CDH13: variants seen among roughly 807,000 people sequenced by gnomAD.
The protein encoded by CDH13 is cadherin-13.
A neutral mutation model predicts 63.8 loss-of-function variants in CDH13; 24 were observed. That is an observed-to-expected ratio of 0.38 (90% CI 0.27 to 0.53). The LOEUF is 0.53. Ranked by LOEUF, CDH13 falls within the 20% of genes least tolerant of loss-of-function variation. The pLI, the probability that CDH13 is intolerant of heterozygous loss-of-function variation, is 0.85. For synonymous variants in CDH13, 503 were observed against 355.3 expected, an observed-to-expected ratio of 1.42 and a Z score of -4.67; for missense variants, 1,049 against 903.1, an observed-to-expected ratio of 1.16 and a Z score of -2.07.
chr16:83,017,627 A>G (rs1914933135), intron 2 of CDH13, among the ~76,000 whole-genome samples: 2 of 152,246 alleles, frequency 1.3e-5, no homozygotes, highest in Non-Finnish European at 2.9e-5. Context: ...ACGGACTGAC[A>G]TATAGAAAAT....
At chr16:83,215,073 CTTTTTT>C (rs571565652) in intron 4 of CDH13, among the ~76,000 whole-genome samples, 2 of 56,232 alleles carry the variant, frequency 3.6e-5, no homozygotes, top group Admixed American at 3.2e-4. Context: ...TCAAACACCT[CTTTTTT>C]TTTTTTTTTT....
intron 10 of CDH13, among the ~76,000 whole-genome samples, chr16:83,707,857 A>C (rs1209805491): frequency 7.1e-6 from 1 of 139,894 alleles, no homozygotes; most frequent in African/African-American, 2.8e-5. Context: ...AAAAAAAAAA[A>C]AGAGCTGGGA....
chr16:83,250,746 G>C (rs1384641264), intron 5 of CDH13, among the ~76,000 whole-genome samples: 5 of 152,178 alleles, frequency 3.3e-5, no homozygotes, highest in African/African-American at 1.2e-4. Context: ...TATGAGTTGG[G>C]ATTTATTCTA....
At chr16:83,282,863 C>G (rs967368456) in intron 5 of CDH13, among the ~76,000 whole-genome samples, 1 of 152,138 alleles carries the variant, frequency 6.6e-6, no homozygotes, top group African/African-American at 2.4e-5. Context: ...AGCAATTGAC[C>G]TCTGTGGGTC....
chr16:82,706,810 A>G (rs968467672), intron 1 of CDH13, among the ~76,000 whole-genome samples: 1 of 150,228 alleles, frequency 6.7e-6, no homozygotes, highest in African/African-American at 2.5e-5. Flanking sequence ...TCTCAAAAAA[A>G]AAATAAAATA....
intron 3 of CDH13, among the ~76,000 whole-genome samples, chr16:83,090,275 G>A (rs555965951): frequency 6.6e-6 from 1 of 152,058 alleles, no homozygotes; most frequent in African/African-American, 2.4e-5. Context: ...CTATAGAGAT[G>A]CCAAGCCATT....
At chr16:83,681,147 C>T (rs1332797056) in intron 10 of CDH13, among the ~76,000 whole-genome samples, 1 of 151,998 alleles carries the variant, frequency 6.6e-6, no homozygotes, top group Non-Finnish European at 1.5e-5. Flanking sequence ...CTGCCACAGA[C>T]CCCAGCACCC....
chr16:82,729,990 C>T (rs946114412), intron 1 of CDH13, among the ~76,000 whole-genome samples: 2 of 152,154 alleles, frequency 1.3e-5, no homozygotes, highest in African/African-American at 4.8e-5. Flanking sequence ...TAGTTCCTTA[C>T]CTCTCTCAGC....
chr16:82,903,847 A>T (rs945724860), intron 2 of CDH13, among the ~76,000 whole-genome samples: 1 of 152,072 alleles, frequency 6.6e-6, no homozygotes, highest in Non-Finnish European at 1.5e-5. Flanking sequence ...AGGTTGAGAG[A>T]GGTGATGCAG....
intron 2 of CDH13, among the ~76,000 whole-genome samples, chr16:82,931,748 C>G (rs186591855): frequency 2.0e-5 from 3 of 152,066 alleles, no homozygotes; most frequent in Admixed American, 6.6e-5. Context: ...GGAGGAACCC[C>G]TTATAGAAAC....
rs1174536004 is a variant in CDH13, at chr16:82,644,267, C to T, written c.45+17130C>T. On this transcript the variant is annotated intron_variant, in intron 1 of 13. Transcript: ENST00000567109. This position sits in a 1 kb window ranked among gnomAD's most constrained non-coding sequence, Gnocchi z 5.7. ...CTAAGGTCTAAGGCTGGGAAAGGAG[C>T]TCCCACTTCTTACATTCAGTGCTCA... 1.3e-5 allele frequency among the ~76,000 whole-genome samples: 2 copies of T among 152,206 alleles called. No homozygotes were observed. The highest frequency in any genetic ancestry group is 1.9e-4 in the East Asian group (1 of 5,164).
intron 10 of CDH13, among the ~76,000 whole-genome samples, chr16:83,746,901 A>G (rs1038637272): frequency 1.3e-5 from 2 of 152,240 alleles, no homozygotes; most frequent in Admixed American, 6.5e-5. Context: ...AGCAACCTCA[A>G]AACAAGTAAC....
At chr16:83,286,356 C>A (rs1302383851) in intron 5 of CDH13, among the ~76,000 whole-genome samples, 1 of 152,188 alleles carries the variant, frequency 6.6e-6, no homozygotes, top group Non-Finnish European at 1.5e-5. Context: ...ATCCTCAGGG[C>A]ATCTGCTAGC....
At chr16:82,945,548 G>A (rs1597266391) in intron 2 of CDH13, among the ~76,000 whole-genome samples, 2 of 152,136 alleles carry the variant, frequency 1.3e-5, no homozygotes, top group South Asian at 2.1e-4. Flanking sequence ...TCTTCTTAGG[G>A]CATTTACTGT....
intron 5 of CDH13, among the ~76,000 whole-genome samples, chr16:83,253,815 A>C (rs901628951): frequency 1.3e-5 from 2 of 152,250 alleles, no homozygotes; most frequent in Non-Finnish European, 2.9e-5. Context: ...GGACATGTGC[A>C]GGCACATCCA....
At chr16:83,621,966 G>A (rs527483494) in intron 8 of CDH13, among the ~76,000 whole-genome samples, 24 of 152,310 alleles carry the variant, frequency 1.6e-4, no homozygotes, top group African/African-American at 5.1e-4. Flanking sequence ...AGCCAGTGAA[G>A]TTGATTAGCA....
intron 2 of CDH13, among the ~76,000 whole-genome samples, chr16:82,893,676 C>A (rs900369839): frequency 6.6e-6 from 1 of 152,196 alleles, no homozygotes; most frequent in Non-Finnish European, 1.5e-5. Context: ...GAAGCCAGAA[C>A]CTGAATCTCT....
rs191088489 is a variant in CDH13, at chr16:83,245,846, G to C, written c.636+28349G>C. On this transcript the variant is annotated intron_variant, in intron 5 of 13. Transcript: ENST00000567109. ...CAGCCAAGACCTCCCTGGCTCAAAT[G>C]ATTCTCCCACCTCAGTCTTCTGAGT... is the stretch of plus-strand genomic sequence containing the variant. Among the ~76,000 whole-genome samples the C allele has an allele frequency of 6.6e-5, 10 of 152,192 alleles. No individual in the cohort carries two copies. In the East Asian group the frequency reaches 1.6e-3, roughly 24 times the overall value.
chr16:83,737,414 A>C (rs147058916), intron 10 of CDH13, among the ~76,000 whole-genome samples: 113 of 152,322 alleles, frequency 7.4e-4, no homozygotes, highest in African/African-American at 2.6e-3. Flanking sequence ...ATTCACACAC[A>C]TGTGCTGTGT....
Sources: allele counts gnomAD v4.1 joint callset (sites outside exome capture counted in the v4.1 genomes callset), GRCh38; gene constraint gnomAD v4.1.1; non-coding constraint Gnocchi (gnomAD v3.1); transcripts MANE v1.5; gene names NCBI Gene and HGNC (gene_info 2026-07-23, HGNC 2026-07-21).